PTPRG: variants seen among roughly 807,000 people sequenced by gnomAD.
PTPRG encodes the protein receptor-type tyrosine-protein phosphatase gamma.
In PTPRG, 102 loss-of-function variants were observed where a neutral mutation model predicts 165.3. The observed-to-expected ratio is 0.62, with a 90% confidence interval of 0.53 to 0.73. The LOEUF (loss-of-function observed/expected upper bound fraction) is 0.73, where lower values mean the gene tolerates loss of function less well. Ranked by LOEUF, PTPRG falls within the 30% of genes least tolerant of loss-of-function variation. PTPRG has a pLI of 0.00. For synonymous variants in PTPRG, 675 were observed against 669.5 expected (o/e 1.01, Z -0.13); for missense variants, 1,866 against 1,861.4 (o/e 1.00, Z -0.05).
chr3:62,164,594 C>T (rs111405173), intron 7 of PTPRG, among the ~76,000 whole-genome samples: 2 of 152,292 alleles, frequency 1.3e-5, no homozygotes, highest in Admixed American at 6.5e-5. Flanking sequence ...GTCATCAGTT[C>T]ACTCCCAGAA....
At chr3:61,562,688 C>T (rs1488753217) in intron 1 of PTPRG, among the ~76,000 whole-genome samples, 4 of 151,698 alleles carry the variant, frequency 2.6e-5, no homozygotes, top group African/African-American at 9.7e-5. Context: ...TTTGCTGACT[C>T]GTCGCCGATC....
intron 5 of PTPRG, among the ~76,000 whole-genome samples, chr3:62,098,399 T>G (rs949669212): frequency 1.3e-5 from 2 of 152,174 alleles, no homozygotes; most frequent in Admixed American, 1.3e-4. Context: ...TGTATGGAAA[T>G]ACTACACCAT....
intron 4 of PTPRG, among the ~76,000 whole-genome samples, chr3:62,058,394 C>A (rs772897858): frequency 6.6e-6 from 1 of 151,930 alleles, no homozygotes; most frequent in Admixed American, 6.6e-5. Flanking sequence ...TTGTCTGAAA[C>A]GCCTAACCTC....
At chr3:61,809,977 T>C (rs1412507994) in intron 2 of PTPRG, among the ~76,000 whole-genome samples, 2 of 152,160 alleles carry the variant, frequency 1.3e-5, no homozygotes, top group Non-Finnish European at 2.9e-5. Flanking sequence ...GTTCTTGGAA[T>C]TGTGGCCATG....
intron 2 of PTPRG, among the ~76,000 whole-genome samples, chr3:61,778,581 G>T (rs1338855530): frequency 6.6e-6 from 1 of 151,828 alleles, no homozygotes; most frequent in Non-Finnish European, 1.5e-5. Context: ...TCAGCCTTAG[G>T]TTCCCTGCCC....
chr3:62,276,936 G>A (rs1224242282), intron 24 of PTPRG, 36 bp from the exon 25 acceptor site: 4 of 1,555,654 alleles, frequency 2.6e-6, no homozygotes, highest in Non-Finnish European at 2.7e-6. Flanking sequence ...TGTATAATAA[G>A]GCAAATGTGG....
intron 1 of PTPRG, among the ~76,000 whole-genome samples, chr3:61,680,193 AAGTGTAATTATTAAC>A (rs1462120597): frequency 6.6e-6 from 1 of 152,144 alleles, no homozygotes; most frequent in East Asian, 1.9e-4. Context: ...CAGCTTGTCC[AAGTGTAATTATTAAC>A]AGTGCCCCCT....
At chr3:62,231,367 C>A in intron 14 of PTPRG, 56 bp downstream of exon 14, 1 of 1,427,354 alleles carries the variant, frequency 7.0e-7, no homozygotes, top group East Asian at 2.5e-5. Context: ...ACTGGCTTGC[C>A]AAATTTTTGT....
chr3:61,776,267 G>T (rs2034379226), intron 2 of PTPRG, among the ~76,000 whole-genome samples: 17 of 152,040 alleles, frequency 1.1e-4, no homozygotes, highest in Admixed American at 1.1e-3. Context: ...TCTTTGGTCA[G>T]TTTATTTCTT....
chr3:62,100,392 A>G lies in PTPRG; in HGVS notation c.615+22134A>G, dbSNP rs140428688. Among the ~76,000 whole-genome samples, 277 of 152,260 alleles carry G rather than the reference A, an allele frequency of 1.8e-3. 1 individual carries two copies. Among genetic ancestry groups the G allele is most frequent in the African/African-American group, 6.3e-3 (260 of 41,532 alleles). Reference sequence around the variant, plus strand: ...ATGCAATTTTAAGTAAATAAGCAGGAGCCGTCTTTACCCTCCTGGGATTTC... The same window carrying G: ...ATGCAATTTTAAGTAAATAAGCAGGGGCCGTCTTTACCCTCCTGGGATTTC... On this transcript the variant is annotated intron_variant, in intron 5 of 29. Transcript: ENST00000474889.
chr3:61,699,348 T>C (rs1464589383), intron 1 of PTPRG, among the ~76,000 whole-genome samples: 2 of 152,210 alleles, frequency 1.3e-5, no homozygotes, highest in Non-Finnish European at 2.9e-5. Flanking sequence ...TGGATTCTCC[T>C]AACTGCTTTT....
chr3:62,084,048 A>T lies in PTPRG; in HGVS notation c.615+5790A>T, dbSNP rs115926701. 6.9e-3 allele frequency among the ~76,000 whole-genome samples: 1,052 copies of T among 152,282 alleles called. 13 individuals are homozygous for T. The highest frequency in any genetic ancestry group is 0.024 in the African/African-American group (1,010 of 41,548). ...AATTCCATTGAACTTTGGAATCATA[A>T]ATGCATGATTCTTCAAGAGCATCTA... On this transcript the variant is annotated intron_variant, in intron 5 of 29. Coordinates refer to ENST00000474889, the MANE Select transcript of PTPRG (RefSeq NM_002841.4).
At chr3:61,661,683 C>T (rs77128645) in intron 1 of PTPRG, among the ~76,000 whole-genome samples, 8,109 of 152,178 alleles carry the variant, frequency 0.053, 278 homozygotes, top group Middle Eastern at 0.078. Context: ...TTCTTAATCA[C>T]TTCTCTTTTC....
At chr3:61,602,475 C>T (rs1362980700) in intron 1 of PTPRG, among the ~76,000 whole-genome samples, 2 of 152,120 alleles carry the variant, frequency 1.3e-5, no homozygotes, top group Non-Finnish European at 2.9e-5. Context: ...CTAAATAGTC[C>T]ATTGTTCATC....
intron 2 of PTPRG, chr3:61,925,772 A>C (rs2039193852): frequency 2.5e-6 from 1 of 395,764 alleles, no homozygotes; most frequent in Admixed American, 3.2e-5. Flanking sequence ...CATTGGTCAA[A>C]GTTGCAGCAC....
At chr3:61,958,685 A>G (rs1008518575) in intron 2 of PTPRG, among the ~76,000 whole-genome samples, 11 of 152,230 alleles carry the variant, frequency 7.2e-5, no homozygotes, top group African/African-American at 2.4e-4. Context: ...AAAGTCTTCA[A>G]AGGTAGACAT....
chr3:62,117,857 T>C (rs532641519), intron 5 of PTPRG, among the ~76,000 whole-genome samples: 3 of 152,330 alleles, frequency 2.0e-5, no homozygotes, highest in South Asian at 2.1e-4. Context: ...TTGGCACTTA[T>C]TAGGTGCTTA....
chr3:62,003,530 G>A lies in PTPRG; in HGVS notation c.519+33G>A, dbSNP rs72887810. The A allele has an allele frequency of 1.5e-4, 244 of 1,610,800 alleles. No homozygotes were observed. The African/African-American group carries it at 2.9e-3, about 19-fold the overall frequency. ...AAAGTCAAGATCTCAACGTGTAGCTGTGCTTCGGTCTTTATGTTAATCAGA... is the reference window on the plus strand; with the variant it reads ...AAAGTCAAGATCTCAACGTGTAGCTATGCTTCGGTCTTTATGTTAATCAGA... On this transcript the variant is annotated intron_variant, in intron 4 of 29. Transcript: ENST00000474889.
At chr3:61,777,702 A>G (rs2034428179) in intron 2 of PTPRG, among the ~76,000 whole-genome samples, 1 of 152,240 alleles carries the variant, frequency 6.6e-6, no homozygotes, top group South Asian at 2.1e-4. Flanking sequence ...CAAGGAGGGT[A>G]TCACACAGGA....
Sources: allele counts gnomAD v4.1 joint callset (sites outside exome capture counted in the v4.1 genomes callset), GRCh38; gene constraint gnomAD v4.1.1; transcripts MANE v1.5; gene names NCBI Gene and HGNC (gene_info 2026-07-23, HGNC 2026-07-21).